Variants in LHFPL6 observed in about 807,000 individuals in gnomAD.
The protein encoded by LHFPL6 is LHFPL tetraspan subfamily member 6 protein.
In LHFPL6, 9 loss-of-function variants were observed where a neutral mutation model predicts 20.6. That is an observed-to-expected ratio of 0.44 (90% confidence interval 0.26 to 0.76). The LOEUF (loss-of-function observed/expected upper bound fraction) is 0.76. LHFPL6 is among the 30% of genes least tolerant of loss of function. The probability of loss-of-function intolerance (pLI) is 0.20; values close to 1 mark genes in which losing one functional copy is unlikely to be tolerated. For synonymous variants in LHFPL6, 105 were observed against 98.7 expected (o/e 1.06, Z -0.38); for missense variants, 218 against 253.5 (o/e 0.86, Z 0.95).
chr13:39,422,120 T>C (rs184359475), intron 2 of LHFPL6, among the ~76,000 whole-genome samples: 22 of 152,334 alleles, frequency 1.4e-4, no homozygotes, highest in Non-Finnish European at 2.6e-4. Flanking sequence ...AACATCCAAT[T>C]GTTCTAGCCT....
intron 2 of LHFPL6, among the ~76,000 whole-genome samples, chr13:39,382,263 C>T (rs1204081067): frequency 6.6e-6 from 1 of 152,156 alleles, no homozygotes; most frequent in African/African-American, 2.4e-5. Context: ...ACTAGATTGC[C>T]ATCTTCTCAG....
chr13:39,460,057 A>G (rs1410987180), intron 2 of LHFPL6, among the ~76,000 whole-genome samples: 1 of 101,872 alleles, frequency 9.8e-6, no homozygotes, highest in Non-Finnish European at 1.9e-5. Flanking sequence ...AACTTACCTT[A>G]CAAAATTTAA....
intron 2 of LHFPL6, among the ~76,000 whole-genome samples, chr13:39,537,442 G>A (rs1242786622): frequency 1.3e-5 from 2 of 152,174 alleles, no homozygotes; most frequent in South Asian, 2.1e-4. Flanking sequence ...TATCCTTACA[G>A]CTCCGGAATA....
chr13:39,447,943 T>C (rs979224418), intron 2 of LHFPL6, among the ~76,000 whole-genome samples: 1 of 152,314 alleles, frequency 6.6e-6, no homozygotes, highest in East Asian at 1.9e-4. Flanking sequence ...ACCCTTCACA[T>C]AGTCCTCCCA....
intron 2 of LHFPL6, among the ~76,000 whole-genome samples, chr13:39,574,888 A>G (rs1437802544): frequency 6.6e-6 from 1 of 152,136 alleles, no homozygotes; most frequent in East Asian, 1.9e-4. Context: ...TCTGGCCATC[A>G]TGGTGAAACC....
intron 3 of LHFPL6, among the ~76,000 whole-genome samples, chr13:39,369,604 TCTCTC>T (rs1566095684): frequency 8.1e-4 from 85 of 105,330 alleles, no homozygotes; most frequent in African/African-American, 1.0e-3. Context: ...CCTTCCTCCC[TCTCTC>T]CCTCCCTTCC....
At chr13:39,369,092 T>C (rs937755910) in intron 3 of LHFPL6, among the ~76,000 whole-genome samples, 7 of 122,636 alleles carry the variant, frequency 5.7e-5, no homozygotes, top group Non-Finnish European at 1.2e-4. Context: ...TTTAAACTAA[T>C]AAAAGGACAA....
intron 2 of LHFPL6, among the ~76,000 whole-genome samples, chr13:39,498,353 G>A (rs561335797): frequency 3.3e-5 from 5 of 152,304 alleles, no homozygotes; most frequent in Non-Finnish European, 7.4e-5. Flanking sequence ...TCTGTAGAGG[G>A]TTGTGCTAAA....
chr13:39,543,037 CT>C (rs1406792232), intron 2 of LHFPL6, among the ~76,000 whole-genome samples: 2 of 152,218 alleles, frequency 1.3e-5, no homozygotes, highest in Non-Finnish European at 2.9e-5. Flanking sequence ...CCTCCAGCCC[CT>C]GGTAAGCACC....
rs1566142002 is a variant in LHFPL6, at chr13:39,562,425, T to TATATACATATATAC, written c.385+38393_385+38406dup. Among the ~76,000 whole-genome samples, 76 of 98,988 alleles carry TATATACATATATAC rather than the reference T, an allele frequency of 7.7e-4. 2 individuals are homozygous for TATATACATATATAC. The highest frequency in any genetic ancestry group is 9.9e-4 in the Non-Finnish European group (45 of 45,462). 64.9% of individuals were successfully genotyped at this position (98,988 alleles called of 152,430 possible). On this transcript the variant is annotated intron_variant, in intron 2 of 3. Coordinates refer to ENST00000379589, the MANE Select transcript of LHFPL6 (RefSeq NM_005780.3). ...ATATATACACATATACACATATACA[T>TATATACATATATAC]ATATACATATATACATATATACACA...
chr13:39,394,290 C>G (rs889903683), intron 2 of LHFPL6, among the ~76,000 whole-genome samples: 10 of 152,128 alleles, frequency 6.6e-5, no homozygotes, highest in African/African-American at 2.4e-4. Context: ...TTAGGATCCA[C>G]CTTAATGGCC....
intron 2 of LHFPL6, among the ~76,000 whole-genome samples, chr13:39,575,708 A>G (rs569459334): frequency 1.3e-5 from 2 of 152,312 alleles, no homozygotes; most frequent in East Asian, 1.9e-4. Context: ...TGGGAAGGAC[A>G]TGGGGACAGC....
chr13:39,420,856 T>C (rs771161343), intron 2 of LHFPL6, among the ~76,000 whole-genome samples: 2 of 152,198 alleles, frequency 1.3e-5, no homozygotes, highest in Non-Finnish European at 2.9e-5. Flanking sequence ...AGTTTCTCAA[T>C]TTGTACCAGA....
At chr13:39,596,655 T>TA (rs11322450) in intron 2 of LHFPL6, among the ~76,000 whole-genome samples, 17 of 148,098 alleles carry the variant, frequency 1.1e-4, no homozygotes, top group Non-Finnish European at 1.9e-4. Context: ...AGGCATAATT[T>TA]AAAAAAAAAA....
At chr13:39,462,292 C>T (rs980066976) in intron 2 of LHFPL6, among the ~76,000 whole-genome samples, 1 of 152,186 alleles carries the variant, frequency 6.6e-6, no homozygotes, top group African/African-American at 2.4e-5. Context: ...AATGTCACCA[C>T]AATAATTGTT....
intron 3 of LHFPL6, among the ~76,000 whole-genome samples, chr13:39,358,556 A>G (rs956846411): frequency 6.6e-6 from 1 of 151,630 alleles, no homozygotes; most frequent in Admixed American, 6.6e-5. Flanking sequence ...TTATTAAACT[A>G]AAGAGGTTTT....
chr13:39,519,055 G>A (rs889803736), intron 2 of LHFPL6, among the ~76,000 whole-genome samples: 1 of 152,124 alleles, frequency 6.6e-6, no homozygotes, highest in Non-Finnish European at 1.5e-5. Flanking sequence ...GGCCAGCATG[G>A]CAAAACCTCG....
intron 2 of LHFPL6, among the ~76,000 whole-genome samples, chr13:39,574,728 T>C (rs1021091484): frequency 2.0e-5 from 3 of 152,114 alleles, no homozygotes; most frequent in African/African-American, 7.2e-5. Context: ...GCAAGGCAAG[T>C]GTACTGGCAA....
intron 2 of LHFPL6, among the ~76,000 whole-genome samples, chr13:39,393,075 G>C (rs1043467928): frequency 6.6e-6 from 1 of 152,148 alleles, no homozygotes; most frequent in Non-Finnish European, 1.5e-5. Context: ...ATGTGCATAG[G>C]TTATATGCAA....
Sources: gnomAD v4.1 joint callset for allele counts (sites outside exome capture counted in the v4.1 genomes callset) on GRCh38, gnomAD v4.1.1 for gene constraint, MANE v1.5 for transcripts, NCBI Gene and HGNC (gene_info 2026-07-23, HGNC 2026-07-21) for gene names.